Variants in NCAM2 observed in about 807,000 individuals in gnomAD.
NCAM2 encodes the protein N-CAM-2.
Under a neutral mutation model 98.1 loss-of-function variants are expected in NCAM2, and 30 were observed. The ratio of observed to expected loss-of-function variants is 0.31; its 90% CI spans 0.23 to 0.41. The LOEUF (loss-of-function observed/expected upper bound fraction) is 0.41, where lower values mean the gene tolerates loss of function less well. Ranked by LOEUF, NCAM2 falls within the 10% of genes least tolerant of loss-of-function variation. The probability of loss-of-function intolerance (pLI) is 1.00; values close to 1 mark genes in which losing one functional copy is unlikely to be tolerated. For synonymous variants in NCAM2, 368 were observed against 342.4 expected (o/e 1.07, Z -0.83); for missense variants, 867 against 1,005.8 (o/e 0.86, Z 1.87).
At chr21:21,108,015 T>A (rs1201154381) in intron 1 of NCAM2, among the ~76,000 whole-genome samples, 1 of 152,082 alleles carries the variant, frequency 6.6e-6, no homozygotes, top group Non-Finnish European at 1.5e-5. Flanking sequence ...TACCAAAATT[T>A]CACACGATAA....
chr21:21,262,103 T>C (rs190203279), intron 1 of NCAM2, among the ~76,000 whole-genome samples: 57 of 152,096 alleles, frequency 3.7e-4, no homozygotes, highest in African/African-American at 1.3e-3. Context: ...ACTAGGAACC[T>C]TAGAGGAAAT....
intron 5 of NCAM2, among the ~76,000 whole-genome samples, chr21:21,304,765 GA>G (rs1426826003): frequency 6.6e-6 from 1 of 152,060 alleles, no homozygotes; most frequent in Admixed American, 6.6e-5. Flanking sequence ...TCCAGAAACA[GA>G]AAATCTCTGT....
intron 1 of NCAM2, among the ~76,000 whole-genome samples, chr21:21,198,180 GTA>G (rs1458636921): frequency 6.3e-5 from 7 of 111,298 alleles, no homozygotes; most frequent in East Asian, 2.6e-4. Context: ...AATATGTAAA[GTA>G]TATGTGTGTG....
intron 12 of NCAM2, among the ~76,000 whole-genome samples, chr21:21,441,867 GA>G (rs2146083350): frequency 6.6e-6 from 1 of 152,242 alleles, no homozygotes; most frequent in African/African-American, 2.4e-5. Flanking sequence ...ATGGCGTAAG[GA>G]GATGAAATCA....
intron 1 of NCAM2, among the ~76,000 whole-genome samples, chr21:21,128,538 A>G (rs1200328557): frequency 6.6e-6 from 1 of 152,190 alleles, no homozygotes; most frequent in East Asian, 1.9e-4. Context: ...ATAATTGAGC[A>G]TTTTATATTA....
intron 1 of NCAM2, among the ~76,000 whole-genome samples, chr21:21,155,621 T>C (rs986217503): frequency 6.6e-6 from 1 of 151,872 alleles, no homozygotes; most frequent in African/African-American, 2.4e-5. Context: ...TTGGCTTTAG[T>C]ATATGGTATG....
At chr21:21,266,050 A>G (rs2072257996) in intron 1 of NCAM2, among the ~76,000 whole-genome samples, 2 of 152,160 alleles carry the variant, frequency 1.3e-5, no homozygotes, top group African/African-American at 4.8e-5. Flanking sequence ...ATACGGTAAT[A>G]GTCACCTTTC....
At chr21:21,182,858 C>T (rs2068524296) in intron 1 of NCAM2, among the ~76,000 whole-genome samples, 1 of 152,144 alleles carries the variant, frequency 6.6e-6, no homozygotes, top group South Asian at 2.1e-4. Flanking sequence ...TCATCCAAAT[C>T]GTTTTAGTCA....
At chr21:21,086,071 T>C (rs1434524103) in intron 1 of NCAM2, among the ~76,000 whole-genome samples, 1 of 152,208 alleles carries the variant, frequency 6.6e-6, no homozygotes, top group Admixed American at 6.5e-5. Context: ...TAGGAATACA[T>C]TGAAGGCTTT....
intron 1 of NCAM2, among the ~76,000 whole-genome samples, chr21:21,271,047 A>T (rs960450440): frequency 6.6e-6 from 1 of 152,032 alleles, no homozygotes; most frequent in Non-Finnish European, 1.5e-5. Flanking sequence ...ACATTTTTGT[A>T]CATTTTATGT....
At chr21:21,462,743 A>G (rs1983150257) in intron 12 of NCAM2, among the ~76,000 whole-genome samples, 1 of 152,076 alleles carries the variant, frequency 6.6e-6, no homozygotes, top group African/African-American at 2.4e-5. Flanking sequence ...TATATAAATG[A>G]TGTAGAAATA....
chr21:21,483,704 C>G (rs1456691406), intron 15 of NCAM2, among the ~76,000 whole-genome samples: 1 of 152,064 alleles, frequency 6.6e-6, no homozygotes, highest in African/African-American at 2.4e-5. Context: ...AATTTTCAGT[C>G]TAACCTAAAT....
intron 9 of NCAM2, among the ~76,000 whole-genome samples, chr21:21,402,307 G>C (rs560157373): frequency 4.7e-4 from 71 of 152,016 alleles, no homozygotes; most frequent in Non-Finnish European, 8.4e-4. Context: ...TTGCATTCCT[G>C]GGGGGAGGTC....
intron 1 of NCAM2, among the ~76,000 whole-genome samples, chr21:21,260,361 GT>G (rs1479990523): frequency 6.6e-6 from 1 of 151,852 alleles, no homozygotes; most frequent in African/African-American, 2.4e-5. Flanking sequence ...CCACCTGCAA[GT>G]TACAGTACAA....
intron 15 of NCAM2, among the ~76,000 whole-genome samples, chr21:21,479,608 A>AT (rs869177226): frequency 3.0e-4 from 38 of 127,994 alleles, no homozygotes; most frequent in African/African-American, 9.7e-4. Context: ...AAAAAAAAAA[A>AT]TTGTTGATGA....
chr21:21,158,813 T>C (rs1488042315), intron 1 of NCAM2, among the ~76,000 whole-genome samples: 1 of 152,156 alleles, frequency 6.6e-6, no homozygotes, highest in Non-Finnish European at 1.5e-5. Context: ...TGATAATAAA[T>C]GACTATATCT....
chr21:21,042,947 A>G (rs987815791), intron 1 of NCAM2, among the ~76,000 whole-genome samples: 29 of 152,340 alleles, frequency 1.9e-4, no homozygotes, highest in Admixed American at 9.8e-4. Context: ...CCAAATATCA[A>G]TATCATCATT....
At chr21:21,456,914 C>T (rs1982230873) in intron 12 of NCAM2, among the ~76,000 whole-genome samples, 1 of 152,164 alleles carries the variant, frequency 6.6e-6, no homozygotes, top group Non-Finnish European at 1.5e-5. Context: ...TTCACCTAAA[C>T]TTGGACTTCT....
chr21:21,405,039 G>A (rs892656543), intron 9 of NCAM2, among the ~76,000 whole-genome samples: 3 of 151,424 alleles, frequency 2.0e-5, no homozygotes, highest in East Asian at 1.9e-4. Flanking sequence ...TAACTTTACC[G>A]GGACTGAAAA....
Sources: gnomAD v4.1 joint callset for allele counts (sites outside exome capture counted in the v4.1 genomes callset) on GRCh38, gnomAD v4.1.1 for gene constraint, MANE v1.5 for transcripts, NCBI Gene and HGNC (gene_info 2026-07-23, HGNC 2026-07-21) for gene names.